Variants in LDB2 observed in about 807,000 individuals in gnomAD.
LDB2 encodes LIM domain-binding protein 2.
In LDB2, 12 loss-of-function variants were observed where a neutral mutation model predicts 44.3. That is an observed-to-expected ratio of 0.27 (90% CI 0.17 to 0.44). LDB2 has a LOEUF of 0.44. LDB2 is among the 20% of genes least tolerant of loss of function. The pLI, the probability that LDB2 is intolerant of heterozygous loss-of-function variation, is 1.00. For synonymous variants in LDB2, 164 were observed against 174.8 expected, an observed-to-expected ratio of 0.94 and a Z score of 0.49; for missense variants, 344 against 473.5, an observed-to-expected ratio of 0.73 and a Z score of 2.54.
At chr4:16,846,626 T>G (rs904088941) in intron 1 of LDB2, among the ~76,000 whole-genome samples, 2 of 152,174 alleles carry the variant, frequency 1.3e-5, no homozygotes, top group Non-Finnish European at 1.5e-5. Context: ...CATTTATATG[T>G]TAAAAATACT....
intron 2 of LDB2, among the ~76,000 whole-genome samples, chr4:16,659,536 T>C (rs892375005): frequency 6.7e-5 from 10 of 149,776 alleles, no homozygotes; most frequent in African/African-American, 2.5e-4. Context: ...CTTATTCAGC[T>C]AATTGTGATT....
rs550617720 is a variant in LDB2, at chr4:16,769,502, A to T, written c.133-10242T>A. On this transcript the variant is annotated intron_variant, in intron 1 of 7. Coordinates refer to ENST00000304523, the MANE Select transcript of LDB2 (RefSeq NM_001290.5). ...AGTAGAAACGGGTTTCACCATGTTG[A>T]CTAGGCTTCTCTCGAACTCCTGACC... 8.8e-4 allele frequency among the ~76,000 whole-genome samples: 134 copies of T among 151,490 alleles called. 1 individual carries two copies. The highest frequency in any genetic ancestry group is 3.1e-3 in the African/African-American group (129 of 41,288).
At chr4:16,832,706 A>G (rs1313665179) in intron 1 of LDB2, among the ~76,000 whole-genome samples, 3 of 152,164 alleles carry the variant, frequency 2.0e-5, no homozygotes, top group Admixed American at 2.0e-4. Flanking sequence ...TTAACAATCT[A>G]CCCACAAGGC....
At chr4:16,584,209 C>T (rs1004478599) in intron 5 of LDB2, among the ~76,000 whole-genome samples, 3 of 152,222 alleles carry the variant, frequency 2.0e-5, no homozygotes, top group African/African-American at 4.8e-5. Context: ...CTGTGCTAAG[C>T]CCTTTACATG....
intron 1 of LDB2, among the ~76,000 whole-genome samples, chr4:16,794,651 T>C (rs980177161): frequency 6.6e-6 from 1 of 152,200 alleles, no homozygotes; most frequent in Non-Finnish European, 1.5e-5. Flanking sequence ...CAATAATAAA[T>C]TGATACATTT....
intron 2 of LDB2, among the ~76,000 whole-genome samples, chr4:16,715,675 C>A (rs1374642818): frequency 1.3e-5 from 2 of 152,128 alleles, no homozygotes; most frequent in Non-Finnish European, 2.9e-5. Context: ...TGGATTCCAG[C>A]CATCTGCTTG....
intron 1 of LDB2, among the ~76,000 whole-genome samples, chr4:16,855,614 G>A (rs1789203787): frequency 1.3e-5 from 2 of 152,022 alleles, no homozygotes. Flanking sequence ...ACAATTCACA[G>A]TATTTATTGT....
chr4:16,561,754 A>C (rs975499804), intron 5 of LDB2, among the ~76,000 whole-genome samples: 1 of 152,218 alleles, frequency 6.6e-6, no homozygotes, highest in Non-Finnish European at 1.5e-5. Context: ...AAGAGCCCGC[A>C]TCGCCAAGTC....
At chr4:16,568,836 T>A (rs183225851) in intron 5 of LDB2, among the ~76,000 whole-genome samples, 7 of 152,344 alleles carry the variant, frequency 4.6e-5, no homozygotes, top group Non-Finnish European at 8.8e-5. Context: ...ACTGTGCAAT[T>A]AATGTTGAAG....
intron 2 of LDB2, among the ~76,000 whole-genome samples, chr4:16,667,759 C>A (rs1743690450): frequency 6.6e-6 from 1 of 152,210 alleles, no homozygotes; most frequent in African/African-American, 2.4e-5. Context: ...CAATTAGCAA[C>A]TTCTGCCTGA....
chr4:16,876,750 T>A (rs932053684), intron 1 of LDB2, among the ~76,000 whole-genome samples: 2 of 152,108 alleles, frequency 1.3e-5, no homozygotes, highest in Admixed American at 1.3e-4. Flanking sequence ...AACTGATCCC[T>A]ACCAACAGTA....
chr4:16,557,233 G>T (rs951977826), intron 5 of LDB2, among the ~76,000 whole-genome samples: 1 of 152,180 alleles, frequency 6.6e-6, no homozygotes, highest in African/African-American at 2.4e-5. Context: ...GCAGAGCACC[G>T]TGCGCAAGCC....
intron 5 of LDB2, among the ~76,000 whole-genome samples, chr4:16,559,776 C>G (rs1741338720): frequency 6.6e-6 from 1 of 152,150 alleles, no homozygotes; most frequent in Non-Finnish European, 1.5e-5. Context: ...TTTTTCAGCA[C>G]CACACCACAC....
rs1415394103 is a variant in LDB2, at chr4:16,872,253, T to C, written c.132+26101A>G. Among the ~76,000 whole-genome samples, 4 of 152,068 alleles carry C rather than the reference T, an allele frequency of 2.6e-5. No individual in the cohort carries two copies. In the South Asian group the frequency reaches 8.3e-4, roughly 32 times the overall value. On this transcript the variant is annotated intron_variant, in intron 1 of 7. Coordinates refer to ENST00000304523, the MANE Select transcript of LDB2 (RefSeq NM_001290.5). The stretch of plus-strand genomic sequence containing the variant: ...TTTGACCACGTTATCTAAAGTAGTG[T>C]CCATCATATGTCTCTATCCTGTGAC...
intron 1 of LDB2, among the ~76,000 whole-genome samples, chr4:16,791,940 A>G (rs1775845246): frequency 6.6e-6 from 1 of 152,110 alleles, no homozygotes; most frequent in Non-Finnish European, 1.5e-5. Flanking sequence ...TTGAAGCTCC[A>G]AACATTTTTT....
chr4:16,614,792 C>T lies in LDB2; in HGVS notation c.236-18917G>A, dbSNP rs533779565. Among the ~76,000 whole-genome samples, 11 of 151,838 alleles carry T rather than the reference C, an allele frequency of 7.2e-5. No homozygotes were observed. In the East Asian group the frequency reaches 7.7e-4, roughly 11 times the overall value. The stretch of plus-strand genomic sequence containing the variant: ...GATTAGTAAAAAGTCAAGAAACGGC[C>T]GGGCGCGGTGGCTCACGCCTGTAAT... On this transcript the variant is annotated intron_variant, in intron 2 of 7. Transcript: ENST00000304523.
intron 1 of LDB2, among the ~76,000 whole-genome samples, chr4:16,852,276 A>G (rs1167885495): frequency 6.6e-6 from 1 of 152,208 alleles, no homozygotes; most frequent in Non-Finnish European, 1.5e-5. Flanking sequence ...TTACCAAGGT[A>G]TCCTGTGTCC....
At chr4:16,764,039 T>C (rs1438011545) in intron 1 of LDB2, among the ~76,000 whole-genome samples, 1 of 152,128 alleles carries the variant, frequency 6.6e-6, no homozygotes, top group East Asian at 1.9e-4. Flanking sequence ...GGTAAGCTAC[T>C]CAATAAAGGT....
intron 2 of LDB2, among the ~76,000 whole-genome samples, chr4:16,627,173 T>C (rs1211064679): frequency 6.6e-6 from 1 of 152,170 alleles, no homozygotes. Context: ...GAAACCATTA[T>C]TCCCTTCAGT....
Sources: allele counts gnomAD v4.1 joint callset (sites outside exome capture counted in the v4.1 genomes callset), GRCh38; gene constraint gnomAD v4.1.1; transcripts MANE v1.5; gene names NCBI Gene and HGNC (gene_info 2026-07-23, HGNC 2026-07-21).